Variants in NCKAP5 observed in about 807,000 individuals in gnomAD.
The protein encoded by NCKAP5 is nck-associated protein 5.
NCKAP5 carries 92 observed loss-of-function variants against 167.0 expected under a neutral mutation model. The ratio of observed to expected loss-of-function variants is 0.55; its 90% confidence interval spans 0.47 to 0.66. NCKAP5 has a LOEUF of 0.66. Ranked by LOEUF, NCKAP5 falls within the 30% of genes least tolerant of loss-of-function variation. The pLI, the probability that NCKAP5 is intolerant of heterozygous loss-of-function variation, is 0.00. For synonymous variants in NCKAP5, 891 were observed against 877.4 expected (o/e 1.02, Z -0.27); for missense variants, 2,378 against 2,315.0 (o/e 1.03, Z -0.56).
intron 7 of NCKAP5, among the ~76,000 whole-genome samples, chr2:132,970,542 A>G (rs969028963): frequency 6.6e-6 from 1 of 152,222 alleles, no homozygotes; most frequent in Non-Finnish European, 1.5e-5. Flanking sequence ...GATTGAGACC[A>G]TAAGCTTGTT....
Position 132,785,409 on chromosome 2 carries a change from A to G in NCKAP5, c.1402T>C (p.Phe468Leu), listed in dbSNP as rs1558774987. The change falls in exon 14 of 20, where the codon TTT becomes CTT. Residue 468 changes from phenylalanine to leucine, a missense_variant. Physicochemically the swap from Phe to Leu is conservative, Grantham distance 22. This residue lies in a region of NCKAP5 where 1,049 missense variants were observed against 1,023.4 expected (regional missense o/e 1.02). Transcript: ENST00000409261. Reference protein sequence around the residue: ...GSPCKEPHKTFVYDLDSHVDA... With the variant: ...GSPCKEPHKTLVYDLDSHVDA... ...ACGTGGGAATCTAGATCATAAACAA[A>G]TGTCTTGTGGGGTTCCTTGCAGGGG... 3 of 1,613,966 alleles carry G rather than the reference A, an allele frequency of 1.9e-6. No individual in the cohort carries two copies. The highest frequency in any genetic ancestry group is 2.5e-6 in the Non-Finnish European group (3 of 1,179,894).
At chr2:132,984,014 T>C (rs536184804) in intron 7 of NCKAP5, among the ~76,000 whole-genome samples, 5 of 152,234 alleles carry the variant, frequency 3.3e-5, no homozygotes, top group South Asian at 4.1e-4. Context: ...CCCAGTGACG[T>C]TGGAGGCTGA....
intron 13 of NCKAP5, among the ~76,000 whole-genome samples, chr2:132,786,923 T>C (rs1683623338): frequency 6.6e-6 from 1 of 152,208 alleles, no homozygotes; most frequent in African/African-American, 2.4e-5. Flanking sequence ...ACTGATGCTA[T>C]ATATAAAGCC....
At chr2:132,844,359 A>C (rs1208522913) in intron 11 of NCKAP5, among the ~76,000 whole-genome samples, 1 of 152,194 alleles carries the variant, frequency 6.6e-6, no homozygotes, top group Non-Finnish European at 1.5e-5. Flanking sequence ...CAAGAAAGAT[A>C]AACTCTTACT....
intron 3 of NCKAP5, among the ~76,000 whole-genome samples, chr2:133,498,410 AG>A (rs1682133959): frequency 6.7e-6 from 1 of 150,296 alleles, no homozygotes; most frequent in Admixed American, 6.6e-5. Context: ...AAAAGGGAGG[AG>A]GAAGGGAAAG....
intron 4 of NCKAP5, among the ~76,000 whole-genome samples, chr2:133,252,120 C>A (rs942517213): frequency 6.6e-6 from 1 of 152,176 alleles, no homozygotes; most frequent in Non-Finnish European, 1.5e-5. Context: ...CCTTCCTATA[C>A]TGGAAGCATC....
chr2:133,628,284 C>T, the NCKAP5 span, among the ~76,000 whole-genome samples: 1 of 152,148 alleles, frequency 6.6e-6, no homozygotes, highest in African/African-American at 2.4e-5. Flanking sequence ...TGATAAGCAA[C>T]TTCAGCAAAG....
intron 11 of NCKAP5, among the ~76,000 whole-genome samples, chr2:132,835,499 G>A (rs974785788): frequency 6.6e-6 from 1 of 151,170 alleles, no homozygotes; most frequent in African/African-American, 2.4e-5. Flanking sequence ...TAAAGCTTTC[G>A]CCATTTGTAA....
rs557930815 is a variant in NCKAP5 at position 133,022,688 on chromosome 2, C to T, written c.342-28449G>A. On this transcript the variant is annotated intron_variant, in intron 6 of 19. Coordinates refer to ENST00000409261, the MANE Select transcript of NCKAP5 (RefSeq NM_207363.3). ...CCTAAATGCCCCTCCTCTATCCCCT[C>T]GGAAGATGGTAATATGCTTCTAGAT... Among the ~76,000 whole-genome samples, 7 of 152,288 alleles carry T rather than the reference C, an allele frequency of 4.6e-5. No homozygotes were observed. In the South Asian group the frequency reaches 1.2e-3, roughly 27 times the overall value.
chr2:132,926,196 A>G (rs1268865396), intron 8 of NCKAP5: 1 of 400,954 alleles, frequency 2.5e-6, no homozygotes, highest in South Asian at 2.0e-5. Context: ...CTCCAGTTCC[A>G]TCCATGTTTC....
rs185007088 is a variant in NCKAP5, at chr2:133,169,428, A to C, written c.208-39317T>G. Among the ~76,000 whole-genome samples, 5 of 152,284 alleles carry C rather than the reference A, an allele frequency of 3.3e-5. No homozygotes were observed. The East Asian group carries it at 9.7e-4, about 29-fold the overall frequency. Reference sequence around the variant, plus strand: ...AGACAGCTCACCCAGGGGATGGTGGAGCTTTACCGACAGAACAGCTAGATG... The same window carrying C: ...AGACAGCTCACCCAGGGGATGGTGGCGCTTTACCGACAGAACAGCTAGATG... On this transcript the variant is annotated intron_variant, in intron 5 of 19. Transcript: ENST00000409261.
chr2:132,753,605 T>C (rs1312443268), intron 16 of NCKAP5, among the ~76,000 whole-genome samples: 3 of 152,222 alleles, frequency 2.0e-5, no homozygotes, highest in African/African-American at 7.2e-5. Flanking sequence ...TCTTATTATA[T>C]GGTGTACCTT....
At chr2:133,635,793 T>C in the NCKAP5 span, among the ~76,000 whole-genome samples, 1 of 152,180 alleles carries the variant, frequency 6.6e-6, no homozygotes, top group Admixed American at 6.5e-5. Context: ...CAAAAATAGC[T>C]ACTATAGAAA....
At chr2:133,322,018 A>G (rs1682092924) in intron 3 of NCKAP5, among the ~76,000 whole-genome samples, 1 of 152,206 alleles carries the variant, frequency 6.6e-6, no homozygotes, top group South Asian at 2.1e-4. Context: ...ATACCTATAA[A>G]AATGTGCATT....
At chr2:133,200,833 T>C (rs1296707265) in intron 5 of NCKAP5, among the ~76,000 whole-genome samples, 2 of 152,170 alleles carry the variant, frequency 1.3e-5, no homozygotes, top group Non-Finnish European at 2.9e-5. Flanking sequence ...GATAAACAAA[T>C]TGTAGTGTAT....
the NCKAP5 span, among the ~76,000 whole-genome samples, chr2:133,663,272 C>CA: frequency 0.023 from 2,252 of 97,730 alleles, 37 homozygotes; most frequent in African/African-American, 0.042. Flanking sequence ...GACTCCGTCT[C>CA]AAAAAAAAAA....
the NCKAP5 span, among the ~76,000 whole-genome samples, chr2:133,640,503 A>G: frequency 6.6e-6 from 1 of 152,162 alleles, no homozygotes; most frequent in African/African-American, 2.4e-5. Context: ...GTGAACTATA[A>G]CAGTCTCCTT....
At chr2:132,930,895 A>C (rs1696324100) in intron 8 of NCKAP5, 1 of 152,284 alleles carries the variant, frequency 6.6e-6, no homozygotes, top group African/African-American at 2.4e-5. Flanking sequence ...TTTCTCACCA[A>C]CCACCCTATA....
chr2:132,976,886 TTG>T (rs2076992933), intron 7 of NCKAP5, among the ~76,000 whole-genome samples: 1 of 152,046 alleles, frequency 6.6e-6, no homozygotes, highest in African/African-American at 2.4e-5. Context: ...CATATCATTT[TTG>T]TGTGTGTGTG....
Sources: gnomAD v4.1 joint callset for allele counts (sites outside exome capture counted in the v4.1 genomes callset) on GRCh38, gnomAD v4.1.1 for gene constraint, gnomAD v4.1.1 regional missense constraint, MANE v1.5 for transcripts, NCBI Gene and HGNC (gene_info 2026-07-23, HGNC 2026-07-21) for gene names.